The following SLC35D3 variants were observed in gnomAD, a reference collection of about 807,000 sequenced individuals.
The protein encoded by SLC35D3 is solute carrier family 35 member D3.
In SLC35D3, 18 loss-of-function variants were observed where a neutral mutation model predicts 20.3. The observed-to-expected ratio is 0.89, with a 90% CI of 0.61 to 1.32. The LOEUF is 1.32. SLC35D3 is among the 40% of genes most tolerant of loss of function. The pLI is 0.00. For missense variants in SLC35D3, 556 were observed against 565.5 expected, an observed-to-expected ratio of 0.98 and a Z score of 0.17; for synonymous variants, 313 against 263.5, an observed-to-expected ratio of 1.19 and a Z score of -1.82.
chr6:136,922,991 C>A lies in SLC35D3; in HGVS notation c.439+124C>A. ...GATGGGGAGACTGAGGCAGAGAGAG[C>A]CGGAGAGCTTTGAGAGTGGTCGCTC... On this transcript the variant is annotated intron_variant, in intron 1 of 1. Coordinates refer to ENST00000331858, the MANE Select transcript of SLC35D3 (RefSeq NM_001008783.3). This position sits in a 1 kb window ranked among gnomAD's most constrained non-coding sequence, Gnocchi z 6.8. 1 of 1,118,854 alleles carries A rather than the reference C, an allele frequency of 8.9e-7. No individual in the cohort carries two copies. The highest frequency in any genetic ancestry group is 1.2e-6 in the Non-Finnish European group (1 of 814,560). 69.3% of individuals were successfully genotyped at this position (1,118,854 alleles called of 1,614,324 possible). A position where few individuals can be genotyped will look rare whatever the true frequency, so the allele number is the denominator to read the frequency against.
rs1466803457 is a variant in SLC35D3 at position 136,923,169 on chromosome 6, C to G, written c.439+302C>G. Among the ~76,000 whole-genome samples, 1 of 152,196 alleles carries G rather than the reference C, an allele frequency of 6.6e-6. No homozygotes were observed. Among genetic ancestry groups the G allele is most frequent in the Non-Finnish European group, 1.5e-5 (1 of 68,034 alleles). On this transcript the variant is annotated intron_variant, in intron 1 of 1. Coordinates refer to ENST00000331858, the MANE Select transcript of SLC35D3 (RefSeq NM_001008783.3). This position sits in a 1 kb window ranked among gnomAD's most constrained non-coding sequence, Gnocchi z 6.2. Reference sequence around the variant, plus strand: ...CTCTCCTGGTCTTCCCCTGTCACCCCATTCTCCGGGAGAGGTGGGAGGGCC... The same window carrying G: ...CTCTCCTGGTCTTCCCCTGTCACCCGATTCTCCGGGAGAGGTGGGAGGGCC...
Position 136,923,496 on chromosome 6 carries a change from C to A in SLC35D3, c.440-389C>A, listed in dbSNP as rs1439075497. On this transcript the variant is annotated intron_variant, in intron 1 of 1. Coordinates refer to ENST00000331858, the MANE Select transcript of SLC35D3 (RefSeq NM_001008783.3). The surrounding 1 kb of genome is among the most constrained non-coding windows in gnomAD (Gnocchi z 6.2). The stretch of plus-strand genomic sequence containing the variant: ...CAGGCCACTGGCTGGGGCTCCCTCT[C>A]CCTTTGGTGCCCCACGGGGCAGGGG... 2.0e-5 allele frequency among the ~76,000 whole-genome samples: 3 copies of A among 152,200 alleles called. No individual in the cohort carries two copies. Among genetic ancestry groups the A allele is most frequent in the African/African-American group, 4.8e-5 (2 of 41,462 alleles).
Position 136,924,408 on chromosome 6 carries a change from G to A in SLC35D3, c.963G>A (p.Glu321=), listed in dbSNP as rs781523953. 31 of 1,613,920 alleles carry A rather than the reference G, an allele frequency of 1.9e-5. No individual in the cohort carries two copies. The East Asian group carries it at 4.5e-4, about 23-fold the overall frequency. The change falls in exon 2 of 2, where the codon GAG becomes GAA. Residue 321 remains glutamate (E), a synonymous_variant. Transcript: ENST00000331858. ...YEDLEAQPRG[E]EAQLSGDQLP... is the part of the protein sequence containing the mutation. ...ACCTGGAGGCCCAGCCTCGGGGAGA[G>A]GAGGCGCAGCTAAGTGGAGACCAGC...
Position 136,924,064 on chromosome 6 carries a change from G to T in SLC35D3, c.619G>T (p.Ala207Ser). The change falls in exon 2 of 2, where the codon GCC becomes TCC. Residue 207 changes from alanine to serine, a missense_variant. Physicochemically the swap from Ala to Ser is moderately conservative, Grantham distance 99 (BLOSUM62 1). Transcript: ENST00000331858. ...ATPLLVICSF[A>S]STDSIHAWTF... ...CCCGCTGCTGGTCATCTGCTCCTTCGCCAGCACCGACTCCATCCACGCCTG... is the reference window on the plus strand; with the variant it reads ...CCCGCTGCTGGTCATCTGCTCCTTCTCCAGCACCGACTCCATCCACGCCTG... The T allele has an allele frequency of 1.2e-6, 2 of 1,610,510 alleles. No individual in the cohort carries two copies. The highest frequency in any genetic ancestry group is 1.7e-6 in the Non-Finnish European group (2 of 1,179,314).
Position 136,922,755 on chromosome 6 carries a change from C to G in SLC35D3, c.327C>G (p.Arg109=). 1 of 1,567,666 alleles carries G rather than the reference C, an allele frequency of 6.4e-7. No individual in the cohort carries two copies. The highest frequency in any genetic ancestry group is 8.6e-7 in the Non-Finnish European group (1 of 1,156,652). The change falls in exon 1 of 2, where the codon CGC becomes CGG. Residue 109 remains arginine (R), a synonymous_variant. Transcript: ENST00000331858. The surrounding 1 kb of genome is among the most constrained non-coding windows in gnomAD (Gnocchi z 6.8). ...TGCCCATGTACGTGGTCTTCAAGCG[C>G]TGCCTGCCCCTGGTCACCATGCTCA... The part of the protein sequence containing the change: ...LSLPMYVVFK[R]CLPLVTMLIG...
At position 136,922,696 on chromosome 6, in the gene SLC35D3, A is replaced by C. The variant is rs1776079364; in HGVS notation, c.268A>C (p.Ser90Arg). Residue 90 changes from serine to arginine, a missense_variant, in exon 1 of 2, where the codon AGC (serine) becomes CGC (arginine). By Grantham distance (110) the Ser-to-Arg change is moderately radical (BLOSUM62 -1). Coordinates refer to ENST00000331858, the MANE Select transcript of SLC35D3 (RefSeq NM_001008783.3). The surrounding 1 kb of genome is among the most constrained non-coding windows in gnomAD (Gnocchi z 6.8). ...GVAVLSTLQS[S>R]LTLWSLRGLS... is the part of the protein sequence containing the mutation. ...CGCGGTGCTCTCCACGCTGCAGTCC[A>C]GCCTCACGCTCTGGTCCCTGCGCGG... is the stretch of plus-strand genomic sequence containing the variant. 2 of 1,599,002 alleles carry C rather than the reference A, an allele frequency of 1.3e-6. No individual in the cohort carries two copies. Among genetic ancestry groups the C allele is most frequent in the African/African-American group, 2.7e-5 (2 of 74,706 alleles).
rs1331101747 is a variant in SLC35D3, at chr6:136,923,864, C to A, written c.440-21C>A. 3.3e-6 allele frequency: 5 copies of A among 1,493,068 alleles called. No individual in the cohort carries two copies. Among genetic ancestry groups the A allele is most frequent in the Non-Finnish European group, 1.8e-6 (2 of 1,120,290 alleles). The allele number at this position is 1,493,068 out of a possible 1,614,324, so 92.5% of individuals were successfully genotyped here. On this transcript the variant is annotated intron_variant, in intron 1 of 1. Transcript: ENST00000331858. This position sits in a 1 kb window ranked among gnomAD's most constrained non-coding sequence, Gnocchi z 6.2. Reference sequence around the variant, plus strand: ...TTTTTCCTTCCCGCCCGGGCTCGGCCGTCCTCCTCGTGCGCCGCAGGAGCC... The same window carrying A: ...TTTTTCCTTCCCGCCCGGGCTCGGCAGTCCTCCTCGTGCGCCGCAGGAGCC...
At position 136,924,548 on chromosome 6, in the gene SLC35D3, G is replaced by A. The variant is rs1358697670; in HGVS notation, c.1103G>A (p.Arg368Gln). 3.1e-6 allele frequency: 5 copies of A among 1,613,538 alleles called. No individual in the cohort carries two copies. Among genetic ancestry groups the A allele is most frequent in the East Asian group, 2.2e-5 (1 of 44,878 alleles). The change falls in exon 2 of 2, where the codon CGA (arginine) becomes CAA (glutamine). Residue 368 changes from arginine to glutamine, a missense_variant. Physicochemically the swap from Arg to Gln is conservative, Grantham distance 43 (BLOSUM62 1). Coordinates refer to ENST00000331858, the MANE Select transcript of SLC35D3 (RefSeq NM_001008783.3). ...AGGCAAGAGGTCAGGGGCAGCCCCC[G>A]AGGAGTCCCGCTGGTGGCTGGGAGC... ...ESRQEVRGSPRGVPLVAGSSE... is the reference protein window; with the variant it reads ...ESRQEVRGSPQGVPLVAGSSE...
In SLC35D3 at chr6:136,923,662, G is replaced by A. The variant is rs1360737798; in HGVS notation, c.440-223G>A. On this transcript the variant is annotated intron_variant, in intron 1 of 1. Transcript: ENST00000331858. The surrounding 1 kb of genome is among the most constrained non-coding windows in gnomAD (Gnocchi z 6.2). ...ATGGAGTGACCCGGGGATATGGCGG[G>A]AAGGCGCTCTGAGCACTGAGTTTGG... Among the ~76,000 whole-genome samples, 1 of 152,204 alleles carries A rather than the reference G, an allele frequency of 6.6e-6. No homozygotes were observed. Among genetic ancestry groups the A allele is most frequent in the Non-Finnish European group, 1.5e-5 (1 of 68,016 alleles).
In SLC35D3 at chr6:136,923,989, A is replaced by G. The variant is rs1339376956; in HGVS notation, c.544A>G (p.Thr182Ala). ...LVLIQKASAD[T>A]EHGPLTAQYV... ...GCTCATCCAGAAGGCCAGCGCAGAC[A>G]CCGAGCACGGGCCGCTCACCGCGCA... The change falls in exon 2 of 2, where the codon ACC (threonine) becomes GCC (alanine). Residue 182 changes from threonine to alanine, a missense_variant. Physicochemically the swap from Thr to Ala is moderately conservative, Grantham distance 58. Transcript: ENST00000331858. This position sits in a 1 kb window ranked among gnomAD's most constrained non-coding sequence, Gnocchi z 6.2. 1 of 1,587,648 alleles carries G rather than the reference A, an allele frequency of 6.3e-7. No homozygotes were observed. The highest frequency in any genetic ancestry group is 2.2e-4 in the Middle Eastern group (1 of 4,448).
In SLC35D3 at chr6:136,924,596, C is replaced by T. The variant is rs758383949; in HGVS notation, c.1151C>T (p.Ser384Leu). The T allele has an allele frequency of 1.2e-6, 2 of 1,613,670 alleles. No homozygotes were observed. The highest frequency in any genetic ancestry group is 2.2e-5 in the South Asian group (2 of 91,044). ...AGSSEEGSRR[S>L]LKDAYLEVWR... ...AGCTCTGAAGAAGGGAGCAGGAGGT[C>T]GTTAAAAGATGCTTACCTCGAGGTA... is the stretch of plus-strand genomic sequence containing the variant. The change falls in exon 2 of 2, where the codon TCG (serine) becomes TTG (leucine). Residue 384 changes from serine (S) to leucine (L), a missense_variant. Ser to Leu is a moderately radical substitution (Grantham distance 145). Coordinates refer to ENST00000331858, the MANE Select transcript of SLC35D3 (RefSeq NM_001008783.3).
Position 136,924,456 on chromosome 6 carries a change from GC to G in SLC35D3, c.1014del (p.Glu340ArgfsTer46), listed in dbSNP as rs766047444. On this transcript the variant is annotated frameshift_variant, in exon 2 of 2. Coordinates refer to ENST00000331858, the MANE Select transcript of SLC35D3 (RefSeq NM_001008783.3). LOFTEE classifies it high-confidence loss of function. Reference sequence around the variant, plus strand: ...AGCTGCCGTTCGTGATGGAGGAGCTGCCCGGGGAGGGAGGAAATGGCCGGTC... The same window carrying G: ...AGCTGCCGTTCGTGATGGAGGAGCTGCCGGGGAGGGAGGAAATGGCCGGTC... ...DQLPFVMEEL[P>X]GEGGNGRSEG... The G allele has an allele frequency of 1.1e-5, 17 of 1,613,730 alleles. No homozygotes were observed. Among genetic ancestry groups the G allele is most frequent in the Non-Finnish European group, 1.4e-5 (16 of 1,179,882 alleles).
Position 136,923,753 on chromosome 6 carries a change from G to A in SLC35D3, c.440-132G>A. Reference sequence around the variant, plus strand: ...CTGTCACTCAGGAATCCGGTGGGCAGAGCTGGGGCGCGAACCCAGTCTCCT... The same window carrying A: ...CTGTCACTCAGGAATCCGGTGGGCAAAGCTGGGGCGCGAACCCAGTCTCCT... On this transcript the variant is annotated intron_variant, in intron 1 of 1. Transcript: ENST00000331858. This position sits in a 1 kb window ranked among gnomAD's most constrained non-coding sequence, Gnocchi z 6.2. 1.1e-6 allele frequency: 1 copy of A among 873,506 alleles called. No individual in the cohort carries two copies. The highest frequency in any genetic ancestry group is 1.8e-5 in the South Asian group (1 of 55,698). 54.1% of individuals were successfully genotyped at this position (873,506 alleles called of 1,614,324 possible). A position where few individuals can be genotyped will look rare whatever the true frequency, so the allele number is the denominator to read the frequency against.
Position 136,922,461 on chromosome 6 carries a change from C to T in SLC35D3, c.33C>T (p.Gly11=). ...AGCTGTGCCGGGGCCGCGTGCTGGG[C>T]ATCTCGGTGGCCATCGCGCACGGGG... MRQLCRGRVL[G]ISVAIAHGVF... The change falls in exon 1 of 2, where the codon GGC becomes GGT. Residue 11 remains glycine (G), a synonymous_variant. Transcript: ENST00000331858. This position sits in a 1 kb window ranked among gnomAD's most constrained non-coding sequence, Gnocchi z 6.8. 3 of 1,603,274 alleles carry T rather than the reference C, an allele frequency of 1.9e-6. No individual in the cohort carries two copies. The highest frequency in any genetic ancestry group is 2.5e-6 in the Non-Finnish European group (3 of 1,176,502).
rs757619290 is a variant in SLC35D3, at chr6:136,923,707, T to G, written c.440-178T>G. ...GTTTGGCTGTCGCATTTGACACGGG[T>G]GGCCGAGGGACGGCGGGCGTCTGTC... On this transcript the variant is annotated intron_variant, in intron 1 of 1. Transcript: ENST00000331858. The surrounding 1 kb of genome is among the most constrained non-coding windows in gnomAD (Gnocchi z 6.2). Among the ~76,000 whole-genome samples, 2 of 152,052 alleles carry G rather than the reference T, an allele frequency of 1.3e-5. No individual in the cohort carries two copies. Among genetic ancestry groups the G allele is most frequent in the Non-Finnish European group, 2.9e-5 (2 of 67,982 alleles).
Position 136,922,958 on chromosome 6 carries a change from C to A in SLC35D3, c.439+91C>A. ...CGGGGATCACTGAGTTCAACGACCT[C>A]ACTTCCAGATGGGGAGACTGAGGCA... On this transcript the variant is annotated intron_variant, in intron 1 of 1. Coordinates refer to ENST00000331858, the MANE Select transcript of SLC35D3 (RefSeq NM_001008783.3). This position sits in a 1 kb window ranked among gnomAD's most constrained non-coding sequence, Gnocchi z 6.8. The A allele has an allele frequency of 7.5e-7, 1 of 1,325,874 alleles. No homozygotes were observed. The highest frequency in any genetic ancestry group is 1.0e-6 in the Non-Finnish European group (1 of 998,626). 82.1% of individuals were successfully genotyped at this position (1,325,874 alleles called of 1,614,324 possible).
In SLC35D3 at chr6:136,922,888, A is replaced by AC; in HGVS notation, c.439+26dup. 5.3e-6 allele frequency: 8 copies of AC among 1,503,464 alleles called. No individual in the cohort carries two copies. Among genetic ancestry groups the AC allele is most frequent in the Non-Finnish European group, 7.1e-6 (8 of 1,132,988 alleles). 93.1% of individuals were successfully genotyped at this position (1,503,464 alleles called of 1,614,324 possible). A position where few individuals can be genotyped will look rare whatever the true frequency, so the allele number is the denominator to read the frequency against. ...GGCAGGTGAGCGGGCCCCCGCGCCGACCCCCAGCCGACCCCACCCACCCCG... is the reference window on the plus strand; with the variant it reads ...GGCAGGTGAGCGGGCCCCCGCGCCGACCCCCCAGCCGACCCCACCCACCCCG... On this transcript the variant is annotated intron_variant, in intron 1 of 1. Coordinates refer to ENST00000331858, the MANE Select transcript of SLC35D3 (RefSeq NM_001008783.3). This position sits in a 1 kb window ranked among gnomAD's most constrained non-coding sequence, Gnocchi z 6.8.
chr6:136,923,901 G>A lies in SLC35D3; in HGVS notation c.456G>A (p.Thr152=), dbSNP rs369186676. The change falls in exon 2 of 2, where the codon ACG becomes ACA. Residue 152 remains threonine (T), a synonymous_variant. Transcript: ENST00000331858. The surrounding 1 kb of genome is among the most constrained non-coding windows in gnomAD (Gnocchi z 6.2). ...GCGCCGCAGGAGCCGGCGACCTGAC[G>A]GGCGACCCCATCGGGTACGTCACGG... ...GAALAGAGDL[T]GDPIGYVTGV... 2.0e-6 allele frequency: 3 copies of A among 1,516,780 alleles called. No homozygotes were observed. Among genetic ancestry groups the A allele is most frequent in the South Asian group, 2.4e-5 (2 of 83,218 alleles). 94.0% of individuals were successfully genotyped at this position (1,516,780 alleles called of 1,614,324 possible).
Position 136,924,029 on chromosome 6 carries a change from TC to T in SLC35D3, c.585del (p.Ser196LeufsTer39). 6.2e-7 allele frequency: 1 copy of T among 1,604,932 alleles called. No homozygotes were observed. The highest frequency in any genetic ancestry group is 8.5e-7 in the Non-Finnish European group (1 of 1,178,096). ...GPLTAQYVIA[V>X]SATPLLVICS... Reference sequence around the variant, plus strand: ...CTCACCGCGCAGTACGTCATCGCCGTCTCTGCCACCCCGCTGCTGGTCATCT... The same window carrying T: ...CTCACCGCGCAGTACGTCATCGCCGTTCTGCCACCCCGCTGCTGGTCATCT... On this transcript the variant is annotated frameshift_variant, in exon 2 of 2. Transcript: ENST00000331858. LOFTEE classifies it high-confidence loss of function.
Sources: gnomAD v4.1 joint callset for allele counts (sites outside exome capture counted in the v4.1 genomes callset) on GRCh38, gnomAD v4.1.1 for gene constraint, Gnocchi (gnomAD v3.1) non-coding constraint, MANE v1.5 for transcripts, NCBI Gene and HGNC (gene_info 2026-07-23, HGNC 2026-07-21) for gene names.